The following FAM200B variants were observed in gnomAD, a reference collection of about 807,000 sequenced individuals.
The protein encoded by FAM200B is zinc finger BED-type containing 11, also known as protein FAM200B.
Under a neutral mutation model 33.1 loss-of-function variants are expected in FAM200B, and 32 were observed. The observed-to-expected ratio is 0.97, with a 90% CI of 0.73 to 1.30. The LOEUF is 1.30. Among genes scored for constraint, FAM200B ranks in the 50% most tolerant of loss-of-function variants. The pLI is 0.00. For missense variants in FAM200B, 741 were observed against 754.0 expected (o/e 0.98, Z 0.20); for synonymous variants, 240 against 264.8 (o/e 0.91, Z 0.91).
chr4:15,683,686 T>C (rs1718566726), intron 1 of FAM200B, among the ~76,000 whole-genome samples: 2 of 152,202 alleles, frequency 1.3e-5, no homozygotes, highest in South Asian at 4.1e-4. Flanking sequence ...TTTCTACTAT[T>C]TCTTAACATA....
the FAM200B span, among the ~76,000 whole-genome samples, chr4:15,639,772 A>T: frequency 1.3e-5 from 2 of 152,146 alleles, no homozygotes; most frequent in Non-Finnish European, 2.9e-5. Context: ...CTCTGATGTA[A>T]TTTGTCTGAA....
At chr4:15,659,100 G>A in the FAM200B span, among the ~76,000 whole-genome samples, 7 of 152,014 alleles carry the variant, frequency 4.6e-5, no homozygotes, top group Non-Finnish European at 1.0e-4. Flanking sequence ...TATATTTAAT[G>A]ACAAAAAATC....
At chr4:15,665,323 G>C in the FAM200B span, among the ~76,000 whole-genome samples, 2 of 152,100 alleles carry the variant, frequency 1.3e-5, no homozygotes, top group African/African-American at 2.4e-5. Context: ...GCGGTGTCAG[G>C]CATCTTAGCC....
chr4:15,654,177 A>G, the FAM200B span, among the ~76,000 whole-genome samples: 1 of 152,228 alleles, frequency 6.6e-6, no homozygotes, highest in African/African-American at 2.4e-5. Context: ...ATGGTTCTGC[A>G]TAATGCTATG....
the FAM200B span, among the ~76,000 whole-genome samples, chr4:15,660,949 C>T: frequency 6.6e-6 from 1 of 152,026 alleles, no homozygotes; most frequent in Non-Finnish European, 1.5e-5. Context: ...TGGTGGCACA[C>T]GCCTGTAGTA....
chr4:15,656,290 A>T, the FAM200B span: 1 of 456,034 alleles, frequency 2.2e-6, no homozygotes, highest in Admixed American at 2.3e-5. Context: ...CCTCCTGGAG[A>T]CTCTGTTCTC....
At chr4:15,679,065 T>A (rs1321301264), upstream of FAM200B, among the ~76,000 whole-genome samples, 1 of 44,348 alleles carries the variant, frequency 2.3e-5, no homozygotes, top group East Asian at 1.5e-3. Context: ...AAATCTCTAT[T>A]TTTTTTTTTT....
At chr4:15,648,875 C>G in the FAM200B span, among the ~76,000 whole-genome samples, 1 of 152,120 alleles carries the variant, frequency 6.6e-6, no homozygotes, top group Non-Finnish European at 1.5e-5. Context: ...ACCACTCCCA[C>G]ACAAAGGGTA....
the FAM200B span, among the ~76,000 whole-genome samples, chr4:15,646,159 T>G: frequency 2.0e-5 from 3 of 152,236 alleles, no homozygotes; most frequent in African/African-American, 4.8e-5. Flanking sequence ...AAAGTAGTCA[T>G]AGACAACATG....
chr4:15,690,439 G>A lies in FAM200B; in HGVS notation c.*1488G>A, dbSNP rs1034062463. 5.6e-5 allele frequency: 9 copies of A among 161,314 alleles called. No homozygotes were observed. The highest frequency in any genetic ancestry group is 2.2e-4 in the African/African-American group (9 of 41,268). 10.0% of individuals were successfully genotyped at this position (161,314 alleles called of 1,614,324 possible). ...TTTTTAATGCTTGAAATAAAGTGTT[G>A]AAAAACAATTCCCTGTGAATAGCTC... On this transcript the variant is annotated 3_prime_UTR_variant, in exon 2 of 2. Coordinates refer to ENST00000422728, the MANE Select transcript of FAM200B (RefSeq NM_001145191.2).
the FAM200B span, among the ~76,000 whole-genome samples, chr4:15,666,594 T>C: frequency 5.3e-5 from 8 of 151,984 alleles, no homozygotes; most frequent in African/African-American, 1.9e-4. Flanking sequence ...AGCAGGGTGA[T>C]TACAGTCAAT....
chr4:15,670,528 A>G, the FAM200B span, among the ~76,000 whole-genome samples: 1 of 152,194 alleles, frequency 6.6e-6, no homozygotes, highest in Admixed American at 6.5e-5. Context: ...GAGGCATAAA[A>G]TTGGATCTTG....
chr4:15,661,076 C>CA, the FAM200B span, among the ~76,000 whole-genome samples: 159 of 131,576 alleles, frequency 1.2e-3, no homozygotes, highest in Middle Eastern at 3.8e-3. Context: ...GGCTCCATTT[C>CA]AAAAAAAAAA....
At chr4:15,645,802 G>A in the FAM200B span, among the ~76,000 whole-genome samples, 1 of 152,112 alleles carries the variant, frequency 6.6e-6, no homozygotes, top group Non-Finnish European at 1.5e-5. Flanking sequence ...ATGGTTGTTA[G>A]TACTCAATAA....
chr4:15,641,732 G>A, the FAM200B span: 1 of 393,908 alleles, frequency 2.5e-6, no homozygotes, highest in South Asian at 1.9e-5. Context: ...AACTGTACCT[G>A]TTAACATTAT....
At chr4:15,663,168 TAC>T in the FAM200B span, among the ~76,000 whole-genome samples, 1 of 152,206 alleles carries the variant, frequency 6.6e-6, no homozygotes, top group Non-Finnish European at 1.5e-5. Context: ...CCTTTATATA[TAC>T]CATAATATTT....
the FAM200B span, among the ~76,000 whole-genome samples, chr4:15,637,293 G>C: frequency 6.6e-6 from 1 of 152,162 alleles, no homozygotes; most frequent in African/African-American, 2.4e-5. Context: ...CATTGATAAT[G>C]AAACTTTTGT....
the FAM200B span, among the ~76,000 whole-genome samples, chr4:15,655,021 G>A: frequency 2.6e-5 from 4 of 151,228 alleles, no homozygotes; most frequent in African/African-American, 7.3e-5. Context: ...CCGGCTCTGC[G>A]AAGGCCTCGC....
chr4:15,678,213 A>T (rs1294253209), upstream of FAM200B, among the ~76,000 whole-genome samples: 1 of 152,242 alleles, frequency 6.6e-6, no homozygotes, highest in Non-Finnish European at 1.5e-5. Flanking sequence ...GTCTCAAAAC[A>T]GGCAGGATTG....
Sources: gnomAD v4.1 joint callset for allele counts (sites outside exome capture counted in the v4.1 genomes callset) on GRCh38, gnomAD v4.1.1 for gene constraint, MANE v1.5 for transcripts, NCBI Gene and HGNC (gene_info 2026-07-23, HGNC 2026-07-21) for gene names.